CNTNAP2: variants seen among roughly 807,000 people sequenced by gnomAD.
CNTNAP2 encodes the protein contactin-associated protein-like 2.
A neutral mutation model predicts 155.2 loss-of-function variants in CNTNAP2; 98 were observed. The observed-to-expected ratio is 0.63, with a 90% CI of 0.54 to 0.75. CNTNAP2 has a LOEUF of 0.75. Among genes scored for constraint, CNTNAP2 ranks in the 30% least tolerant of loss-of-function variants. The pLI, the probability that CNTNAP2 is intolerant of heterozygous loss-of-function variation, is 0.00. For synonymous variants in CNTNAP2, 651 were observed against 631.2 expected, an observed-to-expected ratio of 1.03 and a Z score of -0.47; for missense variants, 1,727 against 1,688.1, an observed-to-expected ratio of 1.02 and a Z score of -0.40.
At chr7:147,268,538 G>A (rs573816137) in intron 8 of CNTNAP2, among the ~76,000 whole-genome samples, 19 of 152,186 alleles carry the variant, frequency 1.2e-4, no homozygotes, top group East Asian at 3.9e-4. Context: ...GAGGGATCGC[G>A]TAAGGAGAAA....
intron 1 of CNTNAP2, among the ~76,000 whole-genome samples, chr7:146,761,794 T>C (rs915372911): frequency 3.3e-5 from 5 of 151,074 alleles, no homozygotes; most frequent in African/African-American, 7.4e-5. Flanking sequence ...TATTTTTCTC[T>C]AGAAGACAAG....
chr7:147,118,832 C>G (rs1268731865), intron 5 of CNTNAP2, among the ~76,000 whole-genome samples: 1 of 152,106 alleles, frequency 6.6e-6, no homozygotes, highest in Non-Finnish European at 1.5e-5. Flanking sequence ...AAAGAAATGT[C>G]ATTATGTGGT....
chr7:148,194,330 T>C (rs1487107797), intron 18 of CNTNAP2, among the ~76,000 whole-genome samples: 11 of 151,912 alleles, frequency 7.2e-5, no homozygotes, highest in Admixed American at 7.2e-4. Context: ...CCTCCAGCCT[T>C]GAGTGATCTA....
chr7:146,411,607 T>C (rs1281841878), intron 1 of CNTNAP2, among the ~76,000 whole-genome samples: 1 of 152,072 alleles, frequency 6.6e-6, no homozygotes, highest in Non-Finnish European at 1.5e-5. Context: ...ATATGTATAA[T>C]TTTATCAGGC....
intron 14 of CNTNAP2, among the ~76,000 whole-genome samples, chr7:147,904,890 A>T (rs1799932979): frequency 8.1e-6 from 1 of 122,976 alleles, no homozygotes; most frequent in African/African-American, 3.6e-5. Context: ...ATTTCTTTGA[A>T]AGATGTATCT....
At chr7:146,600,720 A>G (rs978094747) in intron 1 of CNTNAP2, among the ~76,000 whole-genome samples, 5 of 152,064 alleles carry the variant, frequency 3.3e-5, no homozygotes, top group African/African-American at 1.2e-4. Context: ...CCTTTTTATG[A>G]CCCATTTGAC....
chr7:147,530,363 G>A (rs1238427206), intron 11 of CNTNAP2, among the ~76,000 whole-genome samples: 3 of 151,780 alleles, frequency 2.0e-5, no homozygotes, highest in Non-Finnish European at 2.9e-5. Flanking sequence ...TATTTTTAGT[G>A]GAGATGGGGT....
chr7:147,560,647 G>C (rs759040873), intron 11 of CNTNAP2, among the ~76,000 whole-genome samples: 1 of 151,940 alleles, frequency 6.6e-6, no homozygotes, highest in Non-Finnish European at 1.5e-5. Flanking sequence ...ACACGGTTTC[G>C]AAGGTCTTCT....
intron 1 of CNTNAP2, among the ~76,000 whole-genome samples, chr7:146,354,446 A>T (rs1312393420): frequency 7.4e-6 from 1 of 134,600 alleles, no homozygotes; most frequent in Non-Finnish European, 1.5e-5. Flanking sequence ...ACAGAATCTC[A>T]CTCTGTCGCC....
intron 14 of CNTNAP2, among the ~76,000 whole-genome samples, chr7:147,975,444 T>C (rs575850854): frequency 8.9e-5 from 11 of 123,348 alleles, no homozygotes; most frequent in African/African-American, 4.1e-4. Context: ...ATGATCATTA[T>C]TCATTTCATT....
At chr7:147,292,480 A>G (rs894533165) in intron 8 of CNTNAP2, among the ~76,000 whole-genome samples, 4 of 152,066 alleles carry the variant, frequency 2.6e-5, no homozygotes, top group African/African-American at 9.7e-5. Context: ...ATTTTCTTAA[A>G]CATTTTTGAA....
intron 14 of CNTNAP2, among the ~76,000 whole-genome samples, chr7:147,959,509 G>A (rs1801079753): frequency 6.6e-6 from 1 of 152,178 alleles, no homozygotes; most frequent in South Asian, 2.1e-4. Flanking sequence ...AAGTGGCCGT[G>A]TTACAGTTCT....
chr7:146,922,136 C>T (rs1490359243), intron 3 of CNTNAP2, among the ~76,000 whole-genome samples: 2 of 151,770 alleles, frequency 1.3e-5, no homozygotes, highest in Non-Finnish European at 2.9e-5. Context: ...TAAAATCATA[C>T]ACATATATAT....
chr7:147,913,276 T>A (rs1585024937), intron 14 of CNTNAP2, among the ~76,000 whole-genome samples: 1 of 152,084 alleles, frequency 6.6e-6, no homozygotes, highest in East Asian at 1.9e-4. Context: ...AACAGAAAAA[T>A]CACTTCGCAA....
At chr7:146,964,398 G>A (rs1797615662) in intron 3 of CNTNAP2, among the ~76,000 whole-genome samples, 1 of 152,172 alleles carries the variant, frequency 6.6e-6, no homozygotes, top group South Asian at 2.1e-4. Context: ...TAAATTCCCA[G>A]ATGTCTTAAT....
intron 1 of CNTNAP2, among the ~76,000 whole-genome samples, chr7:146,533,842 A>T (rs1410517143): frequency 6.6e-6 from 1 of 152,108 alleles, no homozygotes; most frequent in African/African-American, 2.4e-5. Flanking sequence ...ACTCTGTTTC[A>T]ACCCAAGATT....
intron 13 of CNTNAP2, among the ~76,000 whole-genome samples, chr7:147,892,913 CT>C (rs1467106306): frequency 2.0e-5 from 3 of 152,262 alleles, no homozygotes; most frequent in East Asian, 1.9e-4. Flanking sequence ...CTATTCACCC[CT>C]AATCAGATGA....
chr7:146,616,560 T>C (rs1799227857), intron 1 of CNTNAP2, among the ~76,000 whole-genome samples: 1 of 152,100 alleles, frequency 6.6e-6, no homozygotes, highest in South Asian at 2.1e-4. Flanking sequence ...ATTTGGTTTA[T>C]TACTCATTAT....
At chr7:146,951,648 T>A (rs1035405943) in intron 3 of CNTNAP2, among the ~76,000 whole-genome samples, 28 of 152,248 alleles carry the variant, frequency 1.8e-4, no homozygotes, top group African/African-American at 6.7e-4. Context: ...GTTCCATTGG[T>A]CTATATGTCT....
Sources: gnomAD v4.1 joint callset for allele counts (sites outside exome capture counted in the v4.1 genomes callset) on GRCh38, gnomAD v4.1.1 for gene constraint, MANE v1.5 for transcripts, NCBI Gene and HGNC (gene_info 2026-07-23, HGNC 2026-07-21) for gene names.